SPIRE1: variants seen among roughly 807,000 people sequenced by gnomAD.
SPIRE1 encodes spire type actin nucleation factor 1.
Under a neutral mutation model 94.1 loss-of-function variants are expected in SPIRE1, and 40 were observed. That is an observed-to-expected ratio of 0.43 (90% CI 0.33 to 0.55). The LOEUF is 0.55. Among genes scored for constraint, SPIRE1 ranks in the 20% least tolerant of loss-of-function variants. The pLI is 0.06. For missense variants in SPIRE1, 838 were observed against 975.2 expected (o/e 0.86, Z 1.87); for synonymous variants, 376 against 371.7 (o/e 1.01, Z -0.13).
At chr18:12,613,899 AC>A (rs1380104643) in intron 2 of SPIRE1, among the ~76,000 whole-genome samples, 1 of 152,298 alleles carries the variant, frequency 6.6e-6, no homozygotes, top group African/African-American at 2.4e-5. Flanking sequence ...CTCAAAAAAA[AC>A]AATAATAATT....
chr18:12,495,762 A>G (rs2033433955), intron 7 of SPIRE1, among the ~76,000 whole-genome samples: 1 of 152,082 alleles, frequency 6.6e-6, no homozygotes, highest in Admixed American at 6.6e-5. Context: ...ATGGTGGTGC[A>G]CACCTGTGGT....
At chr18:12,597,489 T>C (rs1292406962) in intron 2 of SPIRE1, among the ~76,000 whole-genome samples, 2 of 152,152 alleles carry the variant, frequency 1.3e-5, no homozygotes, top group Non-Finnish European at 2.9e-5. Flanking sequence ...CCAGCAACTA[T>C]TGGGGAGACT....
chr18:12,529,053 G>C lies in SPIRE1; in HGVS notation c.729+6423C>G, dbSNP rs528319399. On this transcript the variant is annotated intron_variant, in intron 4 of 16. Coordinates refer to ENST00000409402, the MANE Select transcript of SPIRE1 (RefSeq NM_001128626.2). ...AGACCATGATGGCTGCTAAAAGGGA[G>C]ATAATAGGGCAACGCGATTAAAATG... Among the ~76,000 whole-genome samples the C allele has an allele frequency of 7.4e-4, 112 of 152,126 alleles. 2 individuals carry two copies. The highest frequency in any genetic ancestry group is 1.5e-4 in the Non-Finnish European group (10 of 68,018).
At chr18:12,574,394 G>C (rs2036039115) in intron 2 of SPIRE1, among the ~76,000 whole-genome samples, 1 of 152,134 alleles carries the variant, frequency 6.6e-6, no homozygotes, top group South Asian at 2.1e-4. Context: ...CATAGTAATA[G>C]GTAGATAGAG....
intron 4 of SPIRE1, among the ~76,000 whole-genome samples, chr18:12,530,302 G>A (rs1428840976): frequency 6.6e-6 from 1 of 152,110 alleles, no homozygotes; most frequent in East Asian, 1.9e-4. Flanking sequence ...ATTTAGTCAC[G>A]CAAATTTTAT....
chr18:12,468,946 C>A (rs1040783217), intron 10 of SPIRE1, among the ~76,000 whole-genome samples: 1 of 151,944 alleles, frequency 6.6e-6, no homozygotes, highest in Non-Finnish European at 1.5e-5. Context: ...CACCTATGGT[C>A]CTAGCTACTT....
intron 10 of SPIRE1, among the ~76,000 whole-genome samples, chr18:12,476,836 TAAG>T (rs2032623379): frequency 6.6e-6 from 1 of 152,108 alleles, no homozygotes; most frequent in Admixed American, 6.6e-5. Context: ...TACCCTTGTC[TAAG>T]ATCATTCACT....
At chr18:12,522,643 T>C (rs138206729) in intron 4 of SPIRE1, among the ~76,000 whole-genome samples, 26 of 152,296 alleles carry the variant, frequency 1.7e-4, no homozygotes, top group African/African-American at 6.0e-4. Flanking sequence ...AAGGACAGGG[T>C]GACTCTCTTG....
chr18:12,476,541 CAAAAAA>C (rs558968043), intron 10 of SPIRE1, among the ~76,000 whole-genome samples: 1 of 46,816 alleles, frequency 2.1e-5, no homozygotes, highest in African/African-American at 4.7e-5. Context: ...ACTCTGTCTC[CAAAAAA>C]AAAAAAAAAA....
intron 14 of SPIRE1, 123 bp from the exon 15 acceptor site, chr18:12,452,635 A>G: frequency 2.0e-6 from 2 of 977,992 alleles, no homozygotes; most frequent in South Asian, 1.4e-5. Context: ...CCCTTCTTCT[A>G]TTAGAATGTA....
chr18:12,482,451 T>C (rs2032877536), intron 9 of SPIRE1, among the ~76,000 whole-genome samples: 1 of 152,186 alleles, frequency 6.6e-6, no homozygotes, highest in African/African-American at 2.4e-5. Context: ...CCCATATTTA[T>C]TTTAATGTGC....
chr18:12,625,862 G>A (rs1402468837), intron 2 of SPIRE1, among the ~76,000 whole-genome samples: 1 of 152,126 alleles, frequency 6.6e-6, no homozygotes, highest in Non-Finnish European at 1.5e-5. Context: ...GGCCAACATG[G>A]TGAAACCCCG....
intron 4 of SPIRE1, among the ~76,000 whole-genome samples, chr18:12,534,244 C>T (rs2034774535): frequency 6.6e-6 from 1 of 152,110 alleles, no homozygotes; most frequent in African/African-American, 2.4e-5. Flanking sequence ...GTTAAGTACA[C>T]CTTATTGGGC....
chr18:12,494,065 C>T (rs1398178863), intron 7 of SPIRE1, among the ~76,000 whole-genome samples: 2 of 151,836 alleles, frequency 1.3e-5, no homozygotes, highest in Non-Finnish European at 2.9e-5. Flanking sequence ...CCACTGCACA[C>T]GGCTAATTTT....
Position 12,479,722 on chromosome 18 carries a change from C to CT in SPIRE1, c.1380_1381insA (p.Glu461ArgfsTer6). On this transcript the variant is annotated frameshift_variant, in exon 10 of 17. Coordinates refer to ENST00000409402, the MANE Select transcript of SPIRE1 (RefSeq NM_001128626.2). LOFTEE classifies it high-confidence loss of function. ...ACCTCAGACTCAGAGCTGTCCAGTT[C>CT]GGCCAGAGTTGGGGCTCTGAGGAGC... 6.2e-7 allele frequency: 1 copy of CT among 1,613,326 alleles called. No individual in the cohort carries two copies. Among genetic ancestry groups the CT allele is most frequent in the Non-Finnish European group, 8.5e-7 (1 of 1,179,742 alleles).
At chr18:12,517,350 A>G (rs1465732919) in intron 4 of SPIRE1, among the ~76,000 whole-genome samples, 1 of 152,248 alleles carries the variant, frequency 6.6e-6, no homozygotes, top group Non-Finnish European at 1.5e-5. Context: ...TGACTCAGCA[A>G]TAAATCAATG....
intron 2 of SPIRE1, among the ~76,000 whole-genome samples, chr18:12,569,436 G>A (rs1359116497): frequency 1.3e-5 from 2 of 151,992 alleles, no homozygotes; most frequent in Admixed American, 1.3e-4. Context: ...CTGGATTGAG[G>A]GAATGTCTAA....
chr18:12,522,520 G>A (rs1250623483), intron 4 of SPIRE1, among the ~76,000 whole-genome samples: 3 of 152,198 alleles, frequency 2.0e-5, no homozygotes, highest in African/African-American at 7.2e-5. Context: ...GATGAAGGTA[G>A]CTACATTAAA....
chr18:12,641,374 C>CTT (rs67745102), intron 1 of SPIRE1, among the ~76,000 whole-genome samples: 4,591 of 143,724 alleles, frequency 0.032, 116 homozygotes, highest in Non-Finnish European at 0.053. Flanking sequence ...TTCTTTTTTT[C>CTT]TTTTTTTTTT....
Sources: allele counts gnomAD v4.1 joint callset (sites outside exome capture counted in the v4.1 genomes callset), GRCh38; gene constraint gnomAD v4.1.1; transcripts MANE v1.5; gene names NCBI Gene and HGNC (gene_info 2026-07-23, HGNC 2026-07-21).